CBR3: variants seen among roughly 807,000 people sequenced by gnomAD.
The protein encoded by CBR3 is carbonyl reductase 3, also known as carbonyl reductase [NADPH] 3.
In CBR3, 14 loss-of-function variants were observed where a neutral mutation model predicts 11.6. The observed-to-expected ratio is 1.20, with a 90% CI of 0.79 to 1.88. CBR3 has a LOEUF of 1.88. CBR3 is among the 40% of genes most tolerant of loss of function. The probability of loss-of-function intolerance (pLI) is 0.00; values close to 1 mark genes in which losing one functional copy is unlikely to be tolerated. For missense variants in CBR3, 308 were observed against 357.3 expected, an observed-to-expected ratio of 0.86 and a Z score of 1.11; for synonymous variants, 125 against 145.6, an observed-to-expected ratio of 0.86 and a Z score of 1.02.
chr21:36,140,741 C>T (rs1394097443), intron 2 of CBR3, among the ~76,000 whole-genome samples: 2 of 152,102 alleles, frequency 1.3e-5, no homozygotes, highest in South Asian at 2.1e-4. Flanking sequence ...GGCACAGTGG[C>T]TCACACCTGT....
chr21:36,139,844 T>A (rs1333730755), intron 2 of CBR3, among the ~76,000 whole-genome samples: 1 of 149,010 alleles, frequency 6.7e-6, no homozygotes, highest in African/African-American at 2.5e-5. Flanking sequence ...CCTCATCACT[T>A]TAAACAAACA....
rs1180297873 is a variant in CBR3, at chr21:36,138,734, TTTTTC to T, written c.397+812_397+816del. 7.9e-5 allele frequency: 12 copies of T among 151,524 alleles called. No individual in the cohort carries two copies. The East Asian group carries it at 1.5e-3, about 19-fold the overall frequency. 9.4% of individuals were successfully genotyped at this position (151,524 alleles called of 1,614,324 possible). A position where few individuals can be genotyped will look rare whatever the true frequency, so the allele number is the denominator to read the frequency against. On this transcript the variant is annotated intron_variant, in intron 2 of 2. Coordinates refer to ENST00000290354, the MANE Select transcript of CBR3 (RefSeq NM_001236.4). Reference sequence around the variant, plus strand: ...CCCAAAAGAAATTTTCTTTTCTTTTTTTTTCTTTTCTTTTTTTTTTTTTTTTTTTG... The same window carrying T: ...CCCAAAAGAAATTTTCTTTTCTTTTTTTTTCTTTTTTTTTTTTTTTTTTTG...
At chr21:36,138,729 CTTTT>C (rs915088648) in intron 2 of CBR3, 1 of 140,500 alleles carries the variant, frequency 7.1e-6, no homozygotes, top group African/African-American at 2.7e-5. Context: ...ATTTTCTTTT[CTTTT>C]TTTTTCTTTT....
chr21:36,136,865 T>G (rs2845744), intron 1 of CBR3, among the ~76,000 whole-genome samples: 1 of 151,208 alleles, frequency 6.6e-6, no homozygotes, highest in Non-Finnish European at 1.5e-5. Context: ...CCAACTCTAC[T>G]AAAAATACAA....
chr21:36,141,920 G>T (rs1319610013), intron 2 of CBR3: 1 of 984,162 alleles, frequency 1.0e-6, no homozygotes, highest in Non-Finnish European at 1.2e-6. Flanking sequence ...TTAATTCCTT[G>T]TAGCCGCCAA....
intron 2 of CBR3, among the ~76,000 whole-genome samples, chr21:36,145,490 C>A (rs1003319940): frequency 1.3e-5 from 2 of 152,130 alleles, no homozygotes; most frequent in Non-Finnish European, 2.9e-5. Context: ...CAGGCACACG[C>A]CACCACACCC....
At chr21:36,145,180 A>G (rs1230836013) in intron 2 of CBR3, 1 of 152,168 alleles carries the variant, frequency 6.6e-6, no homozygotes, top group African/African-American at 2.4e-5. Flanking sequence ...TACCTCACCC[A>G]TCTCTCAGCG....
rs879383414 is a variant in CBR3 at position 36,146,228 on chromosome 21, C to T, written c.550C>T (p.His184Tyr). The T allele has an allele frequency of 6.2e-7, 1 of 1,614,106 alleles. No individual in the cohort carries two copies. The highest frequency in any genetic ancestry group is 1.3e-5 in the African/African-American group (1 of 75,012). Reference protein sequence around the residue: ...KFVEDTKNEVHEREGWPNSPY... With the variant: ...KFVEDTKNEVYEREGWPNSPY... ...TGTGGAGGACACAAAAAATGAGGTG[C>T]ATGAGAGGGAAGGCTGGCCCAACTC... The change falls in exon 3 of 3, where the codon CAT becomes TAT. Residue 184 changes from histidine (H) to tyrosine (Y), a missense_variant. Physicochemically the swap from His to Tyr is moderately conservative, Grantham distance 83. Transcript: ENST00000290354.
chr21:36,135,582 G>A (rs1340183619), intron 1 of CBR3, 101 bp downstream of exon 1: 4 of 1,180,404 alleles, frequency 3.4e-6, no homozygotes, highest in East Asian at 2.8e-5. Context: ...ACCGAGGAGG[G>A]TGGCGCCGAC....
chr21:36,141,836 C>G (rs750710493), intron 2 of CBR3: 41 of 740,056 alleles, frequency 5.5e-5, no homozygotes, highest in Non-Finnish European at 6.6e-5. Flanking sequence ...ACCTCCTCCC[C>G]TTAAGAGGAT....
intron 2 of CBR3, among the ~76,000 whole-genome samples, chr21:36,141,094 G>T (rs60409141): frequency 0.39 from 57,737 of 149,372 alleles, 11,508 homozygotes; most frequent in South Asian, 0.5. Flanking sequence ...GGAGACCCCA[G>T]CTCTACACAA....
chr21:36,135,368 T>C lies in CBR3; in HGVS notation c.176T>C (p.Phe59Ser), dbSNP rs752162536. The change falls in exon 1 of 3, where the codon TTC (phenylalanine) becomes TCC (serine). Residue 59 changes from phenylalanine to serine, a missense_variant. Phe to Ser is a radical substitution (Grantham distance 155). Coordinates refer to ENST00000290354, the MANE Select transcript of CBR3 (RefSeq NM_001236.4). ...CAGGCGGAGGGCCTGAGCCCGCGCT[T>C]CCACCAACTGGACATCGACGACTTG... The part of the protein sequence containing the change: ...QLQAEGLSPR[F>S]HQLDIDDLQS... 1.9e-6 allele frequency: 3 copies of C among 1,612,984 alleles called. No homozygotes were observed. The African/African-American group carries it at 4.0e-5, about 22-fold the overall frequency.
intron 2 of CBR3, among the ~76,000 whole-genome samples, chr21:36,144,247 A>G (rs2065737340): frequency 1.3e-5 from 2 of 152,266 alleles, no homozygotes; most frequent in African/African-American, 4.8e-5. Context: ...TCTTGAGGTC[A>G]GGAGTTCAAG....
intron 2 of CBR3, among the ~76,000 whole-genome samples, chr21:36,140,380 T>C (rs980927323): frequency 6.6e-6 from 1 of 152,102 alleles, no homozygotes; most frequent in Admixed American, 6.6e-5. Context: ...ACACAGAAGG[T>C]AACATTTCAT....
intron 2 of CBR3, among the ~76,000 whole-genome samples, chr21:36,142,591 G>C (rs1420571262): frequency 6.6e-6 from 1 of 152,046 alleles, no homozygotes; most frequent in Non-Finnish European, 1.5e-5. Context: ...CTGGCATGTG[G>C]TCATAACTGT....
intron 1 of CBR3, among the ~76,000 whole-genome samples, chr21:36,135,852 G>A (rs1384179245): frequency 6.6e-6 from 1 of 152,230 alleles, no homozygotes; most frequent in Non-Finnish European, 1.5e-5. Context: ...GCAAAGAAAC[G>A]GTCTCCGCTC....
chr21:36,146,110 A>C lies in CBR3; in HGVS notation c.432A>C (p.Leu144Phe), dbSNP rs1297553984. Residue 144 changes from leucine (L) to phenylalanine (F), a missense_variant, in exon 3 of 3, where the codon TTA becomes TTC. Transcript: ENST00000290354. ...RVVNISSLQC[L>F]RAFENCSEDL... ...TGAATATCAGTAGTTTGCAGTGTTT[A>C]AGGGCTTTTGAAAACTGCAGTGAAG... The C allele has an allele frequency of 9.3e-6, 15 of 1,613,764 alleles. No homozygotes were observed. The highest frequency in any genetic ancestry group is 1.3e-5 in the Non-Finnish European group (15 of 1,179,830).
intron 1 of CBR3, among the ~76,000 whole-genome samples, chr21:36,136,253 G>A (rs1041436880): frequency 1.3e-5 from 2 of 151,118 alleles, no homozygotes; most frequent in Non-Finnish European, 2.9e-5. Flanking sequence ...GGGAGGCAGT[G>A]AGCCGAGATC....
chr21:36,135,798 T>C (rs1180193978), intron 1 of CBR3, among the ~76,000 whole-genome samples: 1 of 152,240 alleles, frequency 6.6e-6, no homozygotes, highest in Non-Finnish European at 1.5e-5. Context: ...AACGCCCTGC[T>C]AGAGTTCATC....
Sources: allele counts gnomAD v4.1 joint callset (sites outside exome capture counted in the v4.1 genomes callset), GRCh38; gene constraint gnomAD v4.1.1; transcripts MANE v1.5; gene names NCBI Gene and HGNC (gene_info 2026-07-23, HGNC 2026-07-21).